The following GPC3 variants were observed in gnomAD, a reference collection of about 807,000 sequenced individuals.
GPC3 encodes the protein glypican 3.
In GPC3, 3 loss-of-function variants were observed where a neutral mutation model predicts 34.4. The ratio of observed to expected loss-of-function variants is 0.09; its 90% CI spans 0.04 to 0.23. GPC3 has a LOEUF of 0.23. Among genes scored for constraint, GPC3 ranks in the 10% least tolerant of loss-of-function variants. The pLI is 1.00. For synonymous variants in GPC3, 177 were observed against 174.0 expected, an observed-to-expected ratio of 1.02 and a Z score of -0.13; for missense variants, 351 against 445.6, an observed-to-expected ratio of 0.79 and a Z score of 1.91.
In GPC3 at chrX:133,537,543, G is replaced by A. The variant is rs1287404756; in HGVS notation, c.1574-1250C>T. ...CAAGGCTCTGCTAAGGCTAGCACTG[G>A]TTAGGGCAGGCAGCAAGGTCAAAGT... On this transcript the variant is annotated intron_variant, in intron 7 of 7. Transcript: ENST00000370818. Among the ~76,000 whole-genome samples the A allele has an allele frequency of 2.7e-5, 3 of 111,786 alleles. No homozygotes were observed. The East Asian group carries it at 8.5e-4, about 32-fold the overall frequency.
chrX:133,818,400 C>T (rs2075702547), intron 2 of GPC3, among the ~76,000 whole-genome samples: 1 of 111,717 alleles, frequency 9.0e-6, no homozygotes, highest in Admixed American at 9.5e-5. Flanking sequence ...GGCCCTCTCC[C>T]TGAGATAAGG....
At chrX:133,774,698 T>C (rs1251575402) in intron 2 of GPC3, among the ~76,000 whole-genome samples, 1 of 111,873 alleles carries the variant, frequency 8.9e-6, no homozygotes, top group African/African-American at 3.3e-5. Flanking sequence ...AATGGCTCTA[T>C]ATGGTAAGTA....
intron 3 of GPC3, among the ~76,000 whole-genome samples, chrX:133,750,326 G>T (rs937093455): frequency 4.6e-5 from 5 of 107,647 alleles, no homozygotes; most frequent in African/African-American, 1.9e-4. Flanking sequence ...GGAGCTCTTA[G>T]AGTAAAAGTC....
At chrX:133,798,259 C>T (rs959494478) in intron 2 of GPC3, among the ~76,000 whole-genome samples, 1 of 111,821 alleles carries the variant, frequency 8.9e-6, no homozygotes, top group African/African-American at 3.3e-5. Flanking sequence ...TCATGAGAGA[C>T]AGGTCCATGT....
intron 2 of GPC3, among the ~76,000 whole-genome samples, chrX:133,889,271 G>T (rs1253748149): frequency 8.9e-6 from 1 of 112,205 alleles, no homozygotes; most frequent in Non-Finnish European, 1.9e-5. Context: ...TAAAAGCCAA[G>T]TTGTTTGCTC....
At chrX:133,721,789 T>C (rs1438260734) in intron 3 of GPC3, among the ~76,000 whole-genome samples, 1 of 111,806 alleles carries the variant, frequency 8.9e-6, no homozygotes, top group Non-Finnish European at 1.9e-5. Context: ...TCACACCATA[T>C]ACCAAAATTA....
chrX:133,806,320 C>G (rs1326162583), intron 2 of GPC3, among the ~76,000 whole-genome samples: 1 of 112,060 alleles, frequency 8.9e-6, no homozygotes, highest in African/African-American at 3.2e-5. Flanking sequence ...TCACAAAAAA[C>G]TTAAAATTTT....
chrX:133,874,613 C>T (rs954679308), intron 2 of GPC3, among the ~76,000 whole-genome samples: 13 of 111,723 alleles, frequency 1.2e-4, no homozygotes, highest in African/African-American at 3.3e-4. Context: ...ATAGGTTGGA[C>T]AACAGACGAT....
chrX:133,761,873 C>T (rs1032409577), intron 2 of GPC3, among the ~76,000 whole-genome samples: 1 of 111,757 alleles, frequency 8.9e-6, no homozygotes, highest in Admixed American at 9.5e-5. Flanking sequence ...ATTACTAGAA[C>T]GCTTAGGGCC....
chrX:133,633,648 T>C (rs151294186), intron 6 of GPC3, among the ~76,000 whole-genome samples: 3,341 of 111,988 alleles, frequency 0.03, 128 homozygotes, highest in African/African-American at 0.1. Flanking sequence ...ATCAGTCTCA[T>C]CTGTAAAGAG....
chrX:133,709,526 A>G (rs1486900319), intron 3 of GPC3, among the ~76,000 whole-genome samples: 3 of 112,531 alleles, frequency 2.7e-5, no homozygotes, highest in African/African-American at 9.7e-5. Flanking sequence ...CATTGAAATT[A>G]TGTGATATAC....
In GPC3 at chrX:133,763,350, G is replaced by C. The variant is rs774598490; in HGVS notation, c.338-9174C>G. On this transcript the variant is annotated intron_variant, in intron 2 of 7. Transcript: ENST00000370818. Reference sequence around the variant, plus strand: ...TGCTGGCTCAGGAAGTTCTGCACACGCGTGGTACCATTTCCTGCAAACGCC... The same window carrying C: ...TGCTGGCTCAGGAAGTTCTGCACACCCGTGGTACCATTTCCTGCAAACGCC... 7 of 550,403 alleles carry C rather than the reference G, an allele frequency of 1.3e-5. No homozygotes were observed. In the East Asian group the frequency reaches 2.3e-4, roughly 18 times the overall value. The allele number at this position is 550,403 out of a possible 1,213,427, so 45.4% of individuals were successfully genotyped here. A position where few individuals can be genotyped will look rare whatever the true frequency, so the allele number is the denominator to read the frequency against.
intron 7 of GPC3, among the ~76,000 whole-genome samples, chrX:133,559,882 G>A (rs2069526873): frequency 9.0e-6 from 1 of 111,157 alleles, no homozygotes; most frequent in Non-Finnish European, 1.9e-5. Context: ...ACCCTTTGAT[G>A]TCCTTCCTTT....
At chrX:133,705,022 C>T (rs1034311739) in intron 3 of GPC3, among the ~76,000 whole-genome samples, 1 of 111,206 alleles carries the variant, frequency 9.0e-6, no homozygotes, top group Non-Finnish European at 1.9e-5. Flanking sequence ...TCTTTCACTC[C>T]AGAACAGAGA....
intron 7 of GPC3, among the ~76,000 whole-genome samples, chrX:133,589,670 T>A (rs180906515): frequency 9.0e-6 from 1 of 111,718 alleles, no homozygotes; most frequent in African/African-American, 3.3e-5. Flanking sequence ...CCCTTCATCT[T>A]CTGCCATGGT....
intron 7 of GPC3, among the ~76,000 whole-genome samples, chrX:133,576,264 G>A (rs1857686988): frequency 9.0e-6 from 1 of 110,998 alleles, no homozygotes; most frequent in Non-Finnish European, 1.9e-5. Context: ...TTTTTCCTGA[G>A]ATGGAGTCTC....
chrX:133,780,281 T>G (rs2124502155), intron 2 of GPC3, among the ~76,000 whole-genome samples: 1 of 112,111 alleles, frequency 8.9e-6, no homozygotes, highest in South Asian at 3.7e-4. Flanking sequence ...ATTTTTAAGT[T>G]ATATTAAATT....
intron 5 of GPC3, among the ~76,000 whole-genome samples, chrX:133,689,885 T>C (rs1197619728): frequency 8.9e-6 from 1 of 112,405 alleles, no homozygotes; most frequent in Non-Finnish European, 1.9e-5. Context: ...TGTCATCAAG[T>C]TTATGTAAGA....
At chrX:133,746,646 T>A (rs924960758) in intron 3 of GPC3, among the ~76,000 whole-genome samples, 17 of 112,428 alleles carry the variant, frequency 1.5e-4, no homozygotes, top group Non-Finnish European at 2.8e-4. Flanking sequence ...TGTAAACAGT[T>A]TTTGTCTTTC....
Sources: allele counts gnomAD v4.1 joint callset (sites outside exome capture counted in the v4.1 genomes callset), GRCh38; gene constraint gnomAD v4.1.1; transcripts MANE v1.5; gene names NCBI Gene and HGNC (gene_info 2026-07-23, HGNC 2026-07-21).